Variants in SRGAP3 observed in about 807,000 individuals in gnomAD.
The protein encoded by SRGAP3 is SLIT-ROBO Rho GTPase-activating protein 3.
A neutral mutation model predicts 121.1 loss-of-function variants in SRGAP3; 39 were observed. That is an observed-to-expected ratio of 0.32 (90% CI 0.25 to 0.42). SRGAP3 has a LOEUF of 0.42. Among genes scored for constraint, SRGAP3 ranks in the 10% least tolerant of loss-of-function variants. The pLI, the probability that SRGAP3 is intolerant of heterozygous loss-of-function variation, is 1.00. For synonymous variants in SRGAP3, 601 were observed against 570.0 expected, an observed-to-expected ratio of 1.05 and a Z score of -0.77; for missense variants, 1,213 against 1,470.6, an observed-to-expected ratio of 0.82 and a Z score of 2.86.
At chr3:9,320,727 T>C (rs1955426021) in intron 3 of SRGAP3, among the ~76,000 whole-genome samples, 1 of 151,792 alleles carries the variant, frequency 6.6e-6, no homozygotes. Context: ...AGAGACTGTA[T>C]CCTAACAACA....
intron 2 of SRGAP3, among the ~76,000 whole-genome samples, chr3:9,116,182 C>A (rs1427686061): frequency 1.3e-5 from 2 of 152,204 alleles, no homozygotes; most frequent in Non-Finnish European, 2.9e-5. Flanking sequence ...CCCAGGCAGC[C>A]CTTTCACTGA....
chr3:9,338,803 A>T (rs1186666804), intron 1 of SRGAP3, among the ~76,000 whole-genome samples: 3 of 152,234 alleles, frequency 2.0e-5, no homozygotes, highest in Non-Finnish European at 2.9e-5. Flanking sequence ...TTTACAGAAC[A>T]CAAGTCAACT....
chr3:9,133,588 T>TA (rs1378224965), intron 1 of SRGAP3, among the ~76,000 whole-genome samples: 3 of 152,256 alleles, frequency 2.0e-5, no homozygotes, highest in African/African-American at 7.2e-5. Flanking sequence ...AAGTTTTTTT[T>TA]AGCCAGTCTC....
intron 1 of SRGAP3, among the ~76,000 whole-genome samples, chr3:9,164,185 C>T (rs503803): frequency 0.02 from 3,046 of 151,170 alleles, 45 homozygotes; most frequent in Non-Finnish European, 0.035. Context: ...TCAGTATAGA[C>T]GGGGTTTCTC....
intron 1 of SRGAP3, among the ~76,000 whole-genome samples, chr3:9,197,094 C>T (rs545102499): frequency 6.6e-6 from 1 of 152,330 alleles, no homozygotes; most frequent in East Asian, 1.9e-4. Context: ...TCAGCCTCAA[C>T]GATGGTTTTC....
At chr3:8,987,446 C>T (rs1941781071) in intron 21 of SRGAP3, among the ~76,000 whole-genome samples, 1 of 152,156 alleles carries the variant, frequency 6.6e-6, no homozygotes. Flanking sequence ...AAGTATGAGT[C>T]TGGTGAAACA....
At chr3:9,361,018 T>C (rs1270733230) in intron 1 of SRGAP3, among the ~76,000 whole-genome samples, 2 of 152,262 alleles carry the variant, frequency 1.3e-5, no homozygotes, top group Non-Finnish European at 2.9e-5. Context: ...AATTCCCTAA[T>C]GACTAATGAT....
At chr3:9,279,175 G>A (rs1954634986) in intron 3 of SRGAP3, among the ~76,000 whole-genome samples, 1 of 152,118 alleles carries the variant, frequency 6.6e-6, no homozygotes, top group Non-Finnish European at 1.5e-5. Context: ...CTTTCTCCTA[G>A]CAAAAGTTCC....
chr3:9,160,398 A>G (rs1950567566), intron 1 of SRGAP3, among the ~76,000 whole-genome samples: 1 of 152,192 alleles, frequency 6.6e-6, no homozygotes, highest in African/African-American at 2.4e-5. Flanking sequence ...CTGAGGGAGC[A>G]TTCAACCTGG....
rs61747290 is a variant in SRGAP3 at position 9,058,299 on chromosome 3, G to C, written c.975C>G (p.Val325=). The C allele has an allele frequency of 2.6e-3, 4,126 of 1,614,246 alleles. 95 individuals are homozygous for C. The African/African-American group carries it at 0.044, about 17-fold the overall frequency. Residue 325 remains valine (V), a synonymous_variant, in exon 7 of 22, where the codon GTC becomes GTG. Transcript: ENST00000383836. ...KHTVMDMCNQ[V]FCPPLKFEFQ... ...ACTCGAACTTGAGTGGAGGGCAGAA[G>C]ACTTGATTGCACATGTCCATGACTG...
rs1331261871 is a variant in SRGAP3, at chr3:9,140,806, T to C, written c.68-15889A>G. On this transcript the variant is annotated intron_variant, in intron 1 of 21. Coordinates refer to ENST00000383836, the MANE Select transcript of SRGAP3 (RefSeq NM_014850.4). ...TATATTTTCCAAATACTCTACATAA[T>C]AGGCATTACTCCTCTAATAAGGGGA... Among the ~76,000 whole-genome samples, 7 of 152,338 alleles carry C rather than the reference T, an allele frequency of 4.6e-5. No homozygotes were observed. In the South Asian group the frequency reaches 6.2e-4, roughly 14 times the overall value.
At chr3:9,047,560 G>A (rs929839515) in intron 9 of SRGAP3, 85 bp from the exon 10 acceptor site, 21 of 1,373,342 alleles carry the variant, frequency 1.5e-5, no homozygotes, top group East Asian at 2.3e-5. Flanking sequence ...TCTGGGACAC[G>A]GAAGCCGAAC....
At chr3:9,286,621 G>A (rs1954777583) in intron 3 of SRGAP3, among the ~76,000 whole-genome samples, 1 of 152,034 alleles carries the variant, frequency 6.6e-6, no homozygotes. Flanking sequence ...TGTTGTTTTT[G>A]AGACGGAGTC....
chr3:9,077,103 C>T (rs1221342664), intron 4 of SRGAP3, among the ~76,000 whole-genome samples: 2 of 151,874 alleles, frequency 1.3e-5, no homozygotes, highest in African/African-American at 2.4e-5. Context: ...GTAATGCTAT[C>T]GCTCCCCCAG....
At chr3:9,078,537 C>T (rs1256874844) in intron 4 of SRGAP3, among the ~76,000 whole-genome samples, 1 of 152,100 alleles carries the variant, frequency 6.6e-6, no homozygotes, top group African/African-American at 2.4e-5. Flanking sequence ...ATGATAGTGA[C>T]ACTCAGAACT....
At chr3:9,171,502 A>G (rs1463435827) in intron 1 of SRGAP3, among the ~76,000 whole-genome samples, 4 of 152,236 alleles carry the variant, frequency 2.6e-5, no homozygotes, top group African/African-American at 7.2e-5. Context: ...GAAGCCCTAT[A>G]AAAATAAGTG....
intron 1 of SRGAP3, among the ~76,000 whole-genome samples, chr3:9,209,270 T>A (rs1181769974): frequency 1.3e-5 from 2 of 152,134 alleles, no homozygotes. Flanking sequence ...TTTGGAGGAA[T>A]AAAAGATAAA....
chr3:9,027,476 T>G (rs1038987662), intron 12 of SRGAP3, among the ~76,000 whole-genome samples: 1 of 152,252 alleles, frequency 6.6e-6, no homozygotes, highest in African/African-American at 2.4e-5. Flanking sequence ...CTGGTGGAAA[T>G]TTTGAGCTCT....
rs765408588 is a variant in SRGAP3, at chr3:9,262,534, C to CAAAAAAAAAAAAAAAAAAAAAAAAAAAA, written n.442+63475_442+63476insTTTTTTTTTTTTTTTTTTTTTTTTTTTT. Among the ~76,000 whole-genome samples the CAAAAAAAAAAAAAAAAAAAAAAAAAAAA allele has an allele frequency of 3.1e-4, 8 of 25,568 alleles. 1 individual carries two copies. Among genetic ancestry groups the CAAAAAAAAAAAAAAAAAAAAAAAAAAAA allele is most frequent in the Non-Finnish European group, 4.5e-4 (6 of 13,268 alleles). 16.8% of individuals were successfully genotyped at this position (25,568 alleles called of 152,430 possible). Reference sequence around the variant, plus strand: ...GAAGATTTACCAAGCAAATGGAAAGCAAAAAAAAAAAAAAAAAAAAAAGCA... The same window carrying CAAAAAAAAAAAAAAAAAAAAAAAAAAAA: ...GAAGATTTACCAAGCAAATGGAAAGCAAAAAAAAAAAAAAAAAAAAAAAAAAAAAAAAAAAAAAAAAAAAAAAAAAGCA... On this transcript the variant is annotated intron_variant and non_coding_transcript_variant, in intron 3 of 3. Transcript: ENST00000490889.
Sources: allele counts gnomAD v4.1 joint callset (sites outside exome capture counted in the v4.1 genomes callset), GRCh38; gene constraint gnomAD v4.1.1; transcripts MANE v1.5; gene names NCBI Gene and HGNC (gene_info 2026-07-23, HGNC 2026-07-21).